The following GRM7 variants were observed in gnomAD, a reference collection of about 807,000 sequenced individuals.
GRM7 encodes the protein metabotropic glutamate receptor 7.
GRM7 carries 35 observed loss-of-function variants against 84.5 expected under a neutral mutation model. That is an observed-to-expected ratio of 0.41 (90% CI 0.32 to 0.55). The LOEUF is 0.55. GRM7 is among the 20% of genes least tolerant of loss of function. GRM7 has a pLI of 0.19. For missense variants in GRM7, 1,003 were observed against 1,194.6 expected (o/e 0.84, Z 2.36); for synonymous variants, 487 against 455.1 (o/e 1.07, Z -0.89).
At chr3:7,633,983 T>G (rs1409430228) in intron 8 of GRM7, among the ~76,000 whole-genome samples, 4 of 152,222 alleles carry the variant, frequency 2.6e-5, no homozygotes, top group Non-Finnish European at 5.9e-5. Flanking sequence ...TGCTTTCCTT[T>G]TGTTCACAAG....
intron 2 of GRM7, among the ~76,000 whole-genome samples, chr3:7,238,752 T>C (rs1225108808): frequency 6.7e-6 from 1 of 150,334 alleles, no homozygotes; most frequent in Non-Finnish European, 1.5e-5. Context: ...TCTTTTCTTT[T>C]CTTTTCCTTT....
chr3:7,689,267 G>A (rs983338789), intron 9 of GRM7, among the ~76,000 whole-genome samples: 3 of 152,164 alleles, frequency 2.0e-5, no homozygotes, highest in East Asian at 1.9e-4. Context: ...TTGGTTTATT[G>A]TAATGAATGG....
chr3:7,375,925 G>A lies in GRM7; in HGVS notation c.1034-39098G>A, dbSNP rs77515907. ...GGCTTTTCTTCTTCCTTATATCTGC[G>A]TTCCCTACTAGACCAACATCTCCCT... is the stretch of plus-strand genomic sequence containing the variant. On this transcript the variant is annotated intron_variant, in intron 4 of 9. Coordinates refer to ENST00000357716, the MANE Select transcript of GRM7 (RefSeq NM_000844.4). Among the ~76,000 whole-genome samples the A allele has an allele frequency of 1.5e-3, 231 of 151,944 alleles. 3 individuals carry two copies. The highest frequency in any genetic ancestry group is 3.7e-3 in the East Asian group (19 of 5,152).
chr3:6,955,028 A>G (rs980512064), intron 1 of GRM7, among the ~76,000 whole-genome samples: 2 of 152,212 alleles, frequency 1.3e-5, no homozygotes, highest in African/African-American at 4.8e-5. Context: ...TGTGAAAGTA[A>G]ATAAAACCTT....
At chr3:7,341,564 T>C (rs1373473986) in intron 4 of GRM7, among the ~76,000 whole-genome samples, 2 of 152,074 alleles carry the variant, frequency 1.3e-5, no homozygotes, top group Non-Finnish European at 2.9e-5. Context: ...GTCTAGTATA[T>C]AGAGGTAAAC....
rs1700726168 is a variant in GRM7 at position 7,320,201 on chromosome 3, A to AT, written c.1033+13556dup. ...CTATGTGCATAGTAGGGGAGTAAAGATTTTTTTCTCATCTATTGCTAGACT... is the reference window on the plus strand; with the variant it reads ...CTATGTGCATAGTAGGGGAGTAAAGATTTTTTTTCTCATCTATTGCTAGACT... On this transcript the variant is annotated intron_variant, in intron 4 of 9. Transcript: ENST00000357716. 2.0e-5 allele frequency among the ~76,000 whole-genome samples: 3 copies of AT among 151,794 alleles called. No individual in the cohort carries two copies. The South Asian group carries it at 6.2e-4, about 32-fold the overall frequency.
rs567804530 is a variant in GRM7 at position 7,616,451 on chromosome 3, GT to G, written c.2451+37097del. Among the ~76,000 whole-genome samples, 22 of 152,130 alleles carry G rather than the reference GT, an allele frequency of 1.4e-4. No homozygotes were observed. In the South Asian group the frequency reaches 2.3e-3, roughly 16 times the overall value. The stretch of plus-strand genomic sequence containing the variant: ...GTCTGGTCCAACTAATATTTAGATG[GT>G]TTCACTCACTGCTCAAAACTTTCCC... On this transcript the variant is annotated intron_variant, in intron 8 of 9. Transcript: ENST00000357716.
At chr3:7,076,900 A>T (rs1698101429) in intron 1 of GRM7, among the ~76,000 whole-genome samples, 1 of 152,186 alleles carries the variant, frequency 6.6e-6, no homozygotes, top group Admixed American at 6.5e-5. Flanking sequence ...ACCCCATCAA[A>T]AAGTGGGCGA....
intron 7 of GRM7, among the ~76,000 whole-genome samples, chr3:7,550,525 CCTTT>C (rs372203188): frequency 3.9e-4 from 54 of 137,692 alleles, no homozygotes; most frequent in African/African-American, 1.3e-3. Flanking sequence ...TCTTCTTCTT[CCTTT>C]TTTTCTTCTC....
intron 2 of GRM7, among the ~76,000 whole-genome samples, chr3:7,158,477 T>C (rs1042913454): frequency 6.6e-6 from 1 of 152,082 alleles, no homozygotes; most frequent in Non-Finnish European, 1.5e-5. Flanking sequence ...GCTTCTCCAG[T>C]ATGTCCCCGT....
chr3:7,598,498 T>C (rs1696156354), intron 8 of GRM7, among the ~76,000 whole-genome samples: 1 of 152,192 alleles, frequency 6.6e-6, no homozygotes, highest in Middle Eastern at 3.2e-3. Flanking sequence ...CTCGGAACCA[T>C]ATAATACAGC....
intron 5 of GRM7, among the ~76,000 whole-genome samples, chr3:7,428,692 A>G (rs1162048121): frequency 6.6e-6 from 1 of 152,106 alleles, no homozygotes; most frequent in Admixed American, 6.6e-5. Flanking sequence ...TGATTTCTAT[A>G]CACTTCAGCA....
intron 9 of GRM7, chr3:7,681,716 G>C (rs998141890): frequency 2.0e-5 from 3 of 152,158 alleles, no homozygotes; most frequent in Admixed American, 1.3e-4. Flanking sequence ...GTGTGATGTA[G>C]GAAGAGGCTT....
chr3:7,370,478 G>A lies in GRM7; in HGVS notation c.1034-44545G>A, dbSNP rs1378252546. On this transcript the variant is annotated intron_variant, in intron 4 of 9. Transcript: ENST00000357716. ...TCTTGTCTGCTGTCATGTAAGATGT[G>A]CCTTTCACTTTCTGCCATGATTGTG... 4.6e-5 allele frequency among the ~76,000 whole-genome samples: 7 copies of A among 152,254 alleles called. No individual in the cohort carries two copies. In the East Asian group the frequency reaches 1.4e-3, roughly 29 times the overall value.
chr3:6,961,274 C>A (rs1406735751), intron 1 of GRM7, among the ~76,000 whole-genome samples: 2 of 152,198 alleles, frequency 1.3e-5, no homozygotes, highest in Non-Finnish European at 2.9e-5. Flanking sequence ...TGACAATTTG[C>A]AGGCCCCTTT....
At chr3:7,553,520 T>C (rs894775233) in intron 7 of GRM7, among the ~76,000 whole-genome samples, 13 of 152,154 alleles carry the variant, frequency 8.5e-5, no homozygotes, top group African/African-American at 2.9e-4. Context: ...CTGGGTAATT[T>C]ATATAGGAAA....
At chr3:7,621,031 C>T (rs889064023) in intron 8 of GRM7, among the ~76,000 whole-genome samples, 1 of 152,060 alleles carries the variant, frequency 6.6e-6, no homozygotes, top group African/African-American at 2.4e-5. Context: ...TTCATCTCCT[C>T]CTTTTTATAC....
At chr3:7,724,449 T>C (rs1702054446) in intron 9 of GRM7, among the ~76,000 whole-genome samples, 1 of 152,194 alleles carries the variant, frequency 6.6e-6, no homozygotes, top group Non-Finnish European at 1.5e-5. Flanking sequence ...TCAATAAGTT[T>C]AGATACTCTT....
rs376436263 is a variant in GRM7 at position 7,160,507 on chromosome 3, T to G, written c.736+13839T>G. Among the ~76,000 whole-genome samples, 28 of 152,288 alleles carry G rather than the reference T, an allele frequency of 1.8e-4. No homozygotes were observed. The East Asian group carries it at 5.4e-3, about 29-fold the overall frequency. On this transcript the variant is annotated intron_variant, in intron 2 of 9. Transcript: ENST00000357716. ...CTCAGTGCTCTCTCTCTGGTCCTGC[T>G]GGATAGATTTAGGTTTCCTTTCTTT...
Sources: allele counts gnomAD v4.1 joint callset (sites outside exome capture counted in the v4.1 genomes callset), GRCh38; gene constraint gnomAD v4.1.1; transcripts MANE v1.5; gene names NCBI Gene and HGNC (gene_info 2026-07-23, HGNC 2026-07-21).